CADPS: variants seen among roughly 807,000 people sequenced by gnomAD.
CADPS encodes calcium-dependent secretion activator 1.
CADPS carries 57 observed loss-of-function variants against 167.3 expected under a neutral mutation model. That is an observed-to-expected ratio of 0.34 (90% confidence interval 0.28 to 0.42). The LOEUF is 0.42. CADPS is among the 20% of genes least tolerant of loss of function. The pLI, the probability that CADPS is intolerant of heterozygous loss-of-function variation, is 1.00. For synonymous variants in CADPS, 676 were observed against 635.3 expected (o/e 1.06, Z -0.96); for missense variants, 1,414 against 1,738.1 (o/e 0.81, Z 3.32).
At chr3:62,812,535 G>C (rs1386377477) in intron 1 of CADPS, among the ~76,000 whole-genome samples, 1 of 152,142 alleles carries the variant, frequency 6.6e-6, no homozygotes, top group Non-Finnish European at 1.5e-5. Flanking sequence ...CACATCAAGA[G>C]TCATTCAGCT....
chr3:62,553,976 G>A (rs1360301054), intron 10 of CADPS, among the ~76,000 whole-genome samples: 3 of 152,176 alleles, frequency 2.0e-5, no homozygotes, highest in African/African-American at 7.2e-5. Context: ...AGGCAGACCA[G>A]GCAAAGGAAT....
chr3:62,585,304 CG>C lies in CADPS; in HGVS notation c.1457del (p.Pro486ArgfsTer12). ...ELGRVILHPT[P>X]NSPKQSEWHK... is the part of the protein sequence containing the mutation. ...GCCACTCTGACTGTTTGGGGCTGTT[CG>C]GGGTGGGATGGAGAATAACCTGTAG... On this transcript the variant is annotated frameshift_variant, in exon 8 of 30. Transcript: ENST00000383710. LOFTEE classifies it high-confidence loss of function. 6.2e-7 allele frequency: 1 copy of C among 1,610,800 alleles called. No homozygotes were observed. Among genetic ancestry groups the C allele is most frequent in the Non-Finnish European group, 8.5e-7 (1 of 1,178,188 alleles).
chr3:62,402,860 C>T (rs550419298), intron 29 of CADPS, among the ~76,000 whole-genome samples: 10 of 152,322 alleles, frequency 6.6e-5, no homozygotes, highest in Middle Eastern at 3.4e-3. Flanking sequence ...TATTTTTCCT[C>T]TCTGGAAAAA....
rs754090010 is a variant in CADPS, at chr3:62,399,525, A to G, written c.3943T>C (p.Tyr1315His). The part of the protein sequence containing the change: ...VLDSTLNSKT[Y>H]ETIRNRLTVE... Reference sequence around the variant, plus strand: ...GTGAGACGGTTCCGGATCGTTTCATAGGTCTTGCTGTTTAAGGTGGAGTCC... The same window carrying G: ...GTGAGACGGTTCCGGATCGTTTCATGGGTCTTGCTGTTTAAGGTGGAGTCC... The change falls in exon 30 of 30, where the codon TAT (tyrosine) becomes CAT (histidine). Residue 1315 changes from tyrosine to histidine, a missense_variant. By Grantham distance (83) the Tyr-to-His change is moderately conservative (BLOSUM62 2). Transcript: ENST00000383710. This position sits in a 1 kb window ranked among gnomAD's most constrained non-coding sequence, Gnocchi z 5.6. 1 of 1,614,096 alleles carries G rather than the reference A, an allele frequency of 6.2e-7. No homozygotes were observed. The highest frequency in any genetic ancestry group is 2.2e-5 in the East Asian group (1 of 44,866).
At position 62,433,075 on chromosome 3, in the gene CADPS, G is replaced by A. The variant is rs2054290838; in HGVS notation, c.3777+5029C>T. ...GATATAGCGTCATGTCCTCCTTGTA[G>A]CCTATTATTTGGTACTTTCATCCTC... On this transcript the variant is annotated intron_variant, in intron 28 of 29. Coordinates refer to ENST00000383710, the MANE Select transcript of CADPS (RefSeq NM_003716.4). This position sits in a 1 kb window ranked among gnomAD's most constrained non-coding sequence, Gnocchi z 4.7. Among the ~76,000 whole-genome samples the A allele has an allele frequency of 6.6e-6, 1 of 152,064 alleles. No homozygotes were observed. The highest frequency in any genetic ancestry group is 6.6e-5 in the Admixed American group (1 of 15,242).
At chr3:62,454,133 T>C (rs942432577) in intron 26 of CADPS, among the ~76,000 whole-genome samples, 1 of 152,170 alleles carries the variant, frequency 6.6e-6, no homozygotes, top group Non-Finnish European at 1.5e-5. Context: ...AAGGTTTCTC[T>C]AAGTTGCCTA....
chr3:62,450,325 A>G (rs1434052342), intron 26 of CADPS, among the ~76,000 whole-genome samples: 3 of 152,208 alleles, frequency 2.0e-5, no homozygotes, highest in African/African-American at 7.2e-5. Context: ...GCAGTTCCCC[A>G]GGCCAGTGCC....
chr3:62,491,018 TA>T (rs1480199578), intron 21 of CADPS, among the ~76,000 whole-genome samples: 4 of 152,184 alleles, frequency 2.6e-5, no homozygotes, highest in African/African-American at 9.7e-5. Flanking sequence ...ATCCTAGAGA[TA>T]ACACCATTGG....
chr3:62,779,051 C>T (rs1482418922), intron 1 of CADPS: 1 of 158,958 alleles, frequency 6.3e-6, no homozygotes, highest in East Asian at 1.9e-4. Flanking sequence ...CCATGCCTGG[C>T]TAATGTTTAT....
intron 3 of CADPS, among the ~76,000 whole-genome samples, chr3:62,664,012 AT>A (rs906743552): frequency 4.6e-5 from 7 of 151,922 alleles, no homozygotes; most frequent in Non-Finnish European, 7.4e-5. Context: ...TCAACTATTT[AT>A]TTTTTTTCCC....
intron 22 of CADPS, 75 bp downstream of exon 22, chr3:62,481,648 A>G (rs1470412259): frequency 7.5e-7 from 1 of 1,335,222 alleles, no homozygotes; most frequent in African/African-American, 1.5e-5. Flanking sequence ...TATAGGATGT[A>G]TAGAAATAAA....
chr3:62,474,170 T>TTTTTTTTTTTTTTTTTTAAA lies in CADPS; in HGVS notation c.3477+2_3477+3insTTTAAAAAAAAAAAAAAAAA. On this transcript the variant is annotated splice_region_variant and intron_variant, in intron 24 of 29. Transcript: ENST00000383710. ...AAATCTGTATTTTTTTTTTTTTTTT[T>TTTTTTTTTTTTTTTTTTAAA]ACCTCTTGGCCCATTTCCATGCTGC... 6.8e-7 allele frequency: 1 copy of TTTTTTTTTTTTTTTTTTAAA among 1,475,400 alleles called. No homozygotes were observed. The highest frequency in any genetic ancestry group is 9.0e-7 in the Non-Finnish European group (1 of 1,105,888). 91.4% of individuals were successfully genotyped at this position (1,475,400 alleles called of 1,614,324 possible).
chr3:62,800,432 T>C (rs2093692787), intron 1 of CADPS, among the ~76,000 whole-genome samples: 1 of 152,160 alleles, frequency 6.6e-6, no homozygotes, highest in Non-Finnish European at 1.5e-5. Context: ...ATTTGACTTT[T>C]ATATACAGAC....
intron 7 of CADPS, among the ~76,000 whole-genome samples, chr3:62,591,875 T>C (rs779576000): frequency 6.6e-6 from 1 of 152,180 alleles, no homozygotes; most frequent in Non-Finnish European, 1.5e-5. Flanking sequence ...TGATGCTCCT[T>C]AGTGAGGCAT....
At chr3:62,467,724 C>T (rs556224679) in intron 24 of CADPS, among the ~76,000 whole-genome samples, 11 of 152,208 alleles carry the variant, frequency 7.2e-5, no homozygotes, top group East Asian at 3.9e-4. Flanking sequence ...GATTTTGGAA[C>T]GGGAACAAAG....
chr3:62,788,755 C>G (rs1394981936), intron 1 of CADPS, among the ~76,000 whole-genome samples: 1 of 152,142 alleles, frequency 6.6e-6, no homozygotes, highest in African/African-American at 2.4e-5. Context: ...TTTTTGTACT[C>G]TACCAGAGAG....
intron 6 of CADPS, among the ~76,000 whole-genome samples, chr3:62,594,144 T>C (rs1230184338): frequency 2.1e-5 from 3 of 144,426 alleles, no homozygotes; most frequent in African/African-American, 7.4e-5. Context: ...TTTTTATTTA[T>C]TTTTTTTATT....
intron 10 of CADPS, among the ~76,000 whole-genome samples, chr3:62,554,557 C>A (rs762409370): frequency 6.6e-6 from 1 of 152,084 alleles, no homozygotes; most frequent in Non-Finnish European, 1.5e-5. Context: ...ACTCACCTTT[C>A]AGGGAGCAGT....
At chr3:62,476,294 C>T (rs981107523) in intron 23 of CADPS, among the ~76,000 whole-genome samples, 1 of 152,150 alleles carries the variant, frequency 6.6e-6, no homozygotes, top group Non-Finnish European at 1.5e-5. Context: ...GTTCTAGGCT[C>T]TTCTAATGTA....
Sources: allele counts gnomAD v4.1 joint callset (sites outside exome capture counted in the v4.1 genomes callset), GRCh38; gene constraint gnomAD v4.1.1; non-coding constraint Gnocchi (gnomAD v3.1); transcripts MANE v1.5; gene names NCBI Gene and HGNC (gene_info 2026-07-23, HGNC 2026-07-21).